Variants in LRP1B observed in about 807,000 individuals in gnomAD.
LRP1B encodes the protein low-density lipoprotein receptor-related protein 1B.
In LRP1B, 217 loss-of-function variants were observed where a neutral mutation model predicts 556.6. The observed-to-expected ratio is 0.39, with a 90% CI of 0.35 to 0.44. The LOEUF is 0.44. LRP1B is among the 20% of genes least tolerant of loss of function. The pLI, the probability that LRP1B is intolerant of heterozygous loss-of-function variation, is 1.00. For missense variants in LRP1B, 5,053 were observed against 5,620.8 expected (o/e 0.90, Z 3.23); for synonymous variants, 2,047 against 1,865.8 (o/e 1.10, Z -2.50).
intron 1 of LRP1B, among the ~76,000 whole-genome samples, chr2:141,872,471 G>C (rs1265943371): frequency 6.6e-6 from 1 of 151,776 alleles, no homozygotes; most frequent in Non-Finnish European, 1.5e-5. Flanking sequence ...ATATGAAAGA[G>C]AGCTACAAAA....
intron 7 of LRP1B, among the ~76,000 whole-genome samples, chr2:141,079,892 G>A (rs1026747809): frequency 1.3e-5 from 2 of 152,144 alleles, no homozygotes; most frequent in Non-Finnish European, 2.9e-5. Context: ...TGAGAGCAAG[G>A]ACTATAATCT....
intron 41 of LRP1B, among the ~76,000 whole-genome samples, chr2:140,685,471 T>G (rs1686013285): frequency 1.3e-5 from 2 of 152,282 alleles, no homozygotes; most frequent in South Asian, 2.1e-4. Flanking sequence ...ATAATTTGCC[T>G]AAAGACACAG....
At chr2:141,742,020 T>A (rs1206818788) in intron 2 of LRP1B, among the ~76,000 whole-genome samples, 1 of 152,152 alleles carries the variant, frequency 6.6e-6, no homozygotes, top group Non-Finnish European at 1.5e-5. Flanking sequence ...GAATATCCAG[T>A]TTTCCCTGCA....
intron 3 of LRP1B, among the ~76,000 whole-genome samples, chr2:141,260,061 G>T (rs1684627755): frequency 6.6e-6 from 1 of 152,048 alleles, no homozygotes; most frequent in Non-Finnish European, 1.5e-5. Context: ...GGTGTGACAT[G>T]ACTCGGTTGT....
chr2:140,657,804 A>G, intron 41 of LRP1B, among the ~76,000 whole-genome samples: 1 of 151,844 alleles, frequency 6.6e-6, no homozygotes, highest in East Asian at 1.9e-4. Flanking sequence ...TTTATCTCTT[A>G]CCATAATGTT....
At chr2:141,793,391 G>A (rs1695687305) in intron 2 of LRP1B, among the ~76,000 whole-genome samples, 1 of 151,902 alleles carries the variant, frequency 6.6e-6, no homozygotes, top group Non-Finnish European at 1.5e-5. Flanking sequence ...GAACACTTTT[G>A]TATAGTGCCT....
intron 7 of LRP1B, among the ~76,000 whole-genome samples, chr2:141,074,575 C>G (rs908292679): frequency 1.2e-4 from 11 of 94,734 alleles, no homozygotes; most frequent in African/African-American, 4.0e-4. Context: ...CTCTGTCTCT[C>G]TCTCTCTCTC....
chr2:140,886,676 T>C (rs892568144), intron 23 of LRP1B, among the ~76,000 whole-genome samples: 6 of 151,986 alleles, frequency 3.9e-5, no homozygotes, highest in Non-Finnish European at 7.4e-5. Flanking sequence ...AAAGTCACCA[T>C]AGAAATTGCT....
At chr2:140,356,783 CTT>C (rs964405804) in intron 74 of LRP1B, among the ~76,000 whole-genome samples, 1 of 151,686 alleles carries the variant, frequency 6.6e-6, no homozygotes, top group African/African-American at 2.4e-5. Flanking sequence ...GACAGGCTAT[CTT>C]TATTATAGTA....
At chr2:140,625,418 GAC>G in intron 41 of LRP1B, among the ~76,000 whole-genome samples, 1 of 152,206 alleles carries the variant, frequency 6.6e-6, no homozygotes, top group East Asian at 1.9e-4. Flanking sequence ...TTCTGCAAAT[GAC>G]AATGTCAAGA....
At chr2:140,746,206 G>A (rs1688311397) in intron 35 of LRP1B, among the ~76,000 whole-genome samples, 1 of 152,132 alleles carries the variant, frequency 6.6e-6, no homozygotes, top group African/African-American at 2.4e-5. Flanking sequence ...TGAAAGAAAT[G>A]TGGGATTGGA....
At chr2:140,942,966 T>C (rs930896994) in intron 20 of LRP1B, among the ~76,000 whole-genome samples, 117 of 152,044 alleles carry the variant, frequency 7.7e-4, no homozygotes, top group Non-Finnish European at 1.3e-4. Context: ...TCTAAATGCT[T>C]CACTTAAAAG....
At chr2:141,073,038 C>G (rs116542470) in intron 7 of LRP1B, among the ~76,000 whole-genome samples, 1 of 152,052 alleles carries the variant, frequency 6.6e-6, no homozygotes, top group Non-Finnish European at 1.5e-5. Flanking sequence ...ATTCAGCACA[C>G]GAATTTGCTT....
chr2:141,271,698 G>T (rs989945062), intron 3 of LRP1B, among the ~76,000 whole-genome samples: 1 of 150,722 alleles, frequency 6.6e-6, no homozygotes, highest in African/African-American at 2.4e-5. Context: ...AGTAAACCTA[G>T]CTTATAAGAA....
rs530779222 is a variant in LRP1B, at chr2:140,884,374, T to C, written c.3965-353A>G. On this transcript the variant is annotated intron_variant, in intron 24 of 90. Coordinates refer to ENST00000389484, the MANE Select transcript of LRP1B (RefSeq NM_018557.3). ...GATTTTGGAAACAATAATGATATTC[T>C]GGTTAAAATCAGTGCAACTTAACTC... Among the ~76,000 whole-genome samples the C allele has an allele frequency of 1.7e-3, 253 of 152,322 alleles. 1 individual carries two copies. Among genetic ancestry groups the C allele is most frequent in the African/African-American group, 5.8e-3 (242 of 41,570 alleles).
intron 1 of LRP1B, among the ~76,000 whole-genome samples, chr2:141,993,047 T>C (rs1310812891): frequency 1.3e-5 from 2 of 151,968 alleles, no homozygotes; most frequent in East Asian, 3.9e-4. Context: ...TCCATTGGAG[T>C]CATGCCAGGA....
intron 47 of LRP1B, among the ~76,000 whole-genome samples, chr2:140,526,698 CA>C (rs35329112): frequency 0.012 from 1,599 of 136,248 alleles, 26 homozygotes; most frequent in African/African-American, 0.032. Flanking sequence ...AGCACTGAGC[CA>C]AAAAAAAAAA....
At chr2:141,786,477 T>C (rs1428710163) in intron 2 of LRP1B, among the ~76,000 whole-genome samples, 1 of 152,000 alleles carries the variant, frequency 6.6e-6, no homozygotes, top group Non-Finnish European at 1.5e-5. Context: ...TTTTGTATAT[T>C]GTTCTTGTAT....
Position 141,635,446 on chromosome 2 carries a change from G to C in LRP1B, c.206-154913C>G, listed in dbSNP as rs916647301. Among the ~76,000 whole-genome samples the C allele has an allele frequency of 3.7e-4, 56 of 152,212 alleles. 1 individual carries two copies. Among genetic ancestry groups the C allele is most frequent in the Non-Finnish European group, 6.0e-4 (41 of 67,982 alleles). On this transcript the variant is annotated intron_variant, in intron 2 of 90. Coordinates refer to ENST00000389484, the MANE Select transcript of LRP1B (RefSeq NM_018557.3). ...AAAAAAAGTCTGCTGTATTTTGCTTGAATTGTGAATATATCCTTTCTTCCT... is the reference window on the plus strand; with the variant it reads ...AAAAAAAGTCTGCTGTATTTTGCTTCAATTGTGAATATATCCTTTCTTCCT...
Sources: allele counts gnomAD v4.1 joint callset (sites outside exome capture counted in the v4.1 genomes callset), GRCh38; gene constraint gnomAD v4.1.1; transcripts MANE v1.5; gene names NCBI Gene and HGNC (gene_info 2026-07-23, HGNC 2026-07-21).